The following LTBP1 variants were observed in gnomAD, a reference collection of about 807,000 sequenced individuals.
LTBP1 encodes latent-transforming growth factor beta-binding protein 1.
A neutral mutation model predicts 207.6 loss-of-function variants in LTBP1; 129 were observed. The observed-to-expected ratio is 0.62, with a 90% CI of 0.54 to 0.72. The LOEUF (loss-of-function observed/expected upper bound fraction) is 0.72, where lower values mean the gene tolerates loss of function less well. Among genes scored for constraint, LTBP1 ranks in the 30% least tolerant of loss-of-function variants. LTBP1 has a pLI of 0.00. For synonymous variants in LTBP1, 963 were observed against 833.7 expected (o/e 1.16, Z -2.67); for missense variants, 2,281 against 2,217.2 (o/e 1.03, Z -0.58).
chr2:32,949,711 C>T (rs1250997757), intron 2 of LTBP1, among the ~76,000 whole-genome samples: 1 of 152,172 alleles, frequency 6.6e-6, no homozygotes, highest in East Asian at 1.9e-4. Flanking sequence ...GTGAAGCATT[C>T]TTAGTTGTTC....
chr2:33,257,814 A>G (rs946520173), intron 12 of LTBP1, among the ~76,000 whole-genome samples: 1 of 152,246 alleles, frequency 6.6e-6, no homozygotes, highest in African/African-American at 2.4e-5. Context: ...TTCAGGGAAT[A>G]GCCCTAATTT....
intron 29 of LTBP1, 21 bp downstream of exon 29, chr2:33,363,539 G>C (rs1424013719): frequency 1.2e-6 from 2 of 1,611,312 alleles, no homozygotes; most frequent in Non-Finnish European, 1.7e-6. Flanking sequence ...GGGGGATATA[G>C]TATGGTGTAC....
chr2:33,130,756 A>C (rs1174209130), intron 4 of LTBP1, among the ~76,000 whole-genome samples: 2 of 152,102 alleles, frequency 1.3e-5, no homozygotes, highest in South Asian at 4.1e-4. Flanking sequence ...GAGTGTCTTG[A>C]CTGACTAGGA....
intron 3 of LTBP1, among the ~76,000 whole-genome samples, chr2:33,065,460 C>T (rs571678455): frequency 4.6e-5 from 7 of 151,878 alleles, no homozygotes; most frequent in African/African-American, 7.3e-5. Flanking sequence ...AGGCAGATGT[C>T]GGAGGATTAC....
At chr2:32,950,714 T>G (rs1676975600) in intron 2 of LTBP1, among the ~76,000 whole-genome samples, 1 of 152,068 alleles carries the variant, frequency 6.6e-6, no homozygotes, top group African/African-American at 2.4e-5. Flanking sequence ...AGACTCCATC[T>G]CAAGAAAAGA....
chr2:33,251,717 C>G (rs2092692070), intron 10 of LTBP1, among the ~76,000 whole-genome samples: 1 of 145,536 alleles, frequency 6.9e-6, no homozygotes, highest in African/African-American at 2.5e-5. Flanking sequence ...AAGGGAAAGG[C>G]AAGTCAGAAA....
intron 32 of LTBP1, among the ~76,000 whole-genome samples, chr2:33,394,939 G>A (rs1179793027): frequency 2.0e-5 from 3 of 152,094 alleles, no homozygotes; most frequent in Non-Finnish European, 4.4e-5. Context: ...CTGTTCCTGC[G>A]TTAGTTTGCT....
chr2:33,134,153 A>G lies in LTBP1; in HGVS notation c.1034-640A>G, dbSNP rs1003932931. ...CCCCGTTCACAGGAAAACAAAATATATGTTGCCTAAATTCTTATGGAGAAA... is the reference window on the plus strand; with the variant it reads ...CCCCGTTCACAGGAAAACAAAATATGTGTTGCCTAAATTCTTATGGAGAAA... On this transcript the variant is annotated intron_variant, in intron 4 of 33. Transcript: ENST00000404816. This position sits in a 1 kb window ranked among gnomAD's most constrained non-coding sequence, Gnocchi z 4.4. Among the ~76,000 whole-genome samples, 2 of 152,226 alleles carry G rather than the reference A, an allele frequency of 1.3e-5. No homozygotes were observed. Among genetic ancestry groups the G allele is most frequent in the African/African-American group, 4.8e-5 (2 of 41,456 alleles).
At chr2:33,121,486 C>G (rs903913318) in intron 4 of LTBP1, among the ~76,000 whole-genome samples, 1 of 152,152 alleles carries the variant, frequency 6.6e-6, no homozygotes, top group South Asian at 2.1e-4. Context: ...TCTTCCCTAA[C>G]GAGGCCTGGA....
intron 7 of LTBP1, among the ~76,000 whole-genome samples, chr2:33,190,046 T>C (rs996196179): frequency 6.6e-6 from 1 of 151,898 alleles, no homozygotes; most frequent in African/African-American, 2.4e-5. Context: ...GAAAAAAAAA[T>C]TCATAACTTG....
At chr2:33,125,498 G>A (rs1282721287) in intron 4 of LTBP1, among the ~76,000 whole-genome samples, 2 of 152,160 alleles carry the variant, frequency 1.3e-5, no homozygotes, top group Non-Finnish European at 2.9e-5. Context: ...CATGTTATGT[G>A]TGTGTATGTT....
intron 5 of LTBP1, among the ~76,000 whole-genome samples, chr2:33,177,228 C>G (rs1024238573): frequency 1.3e-5 from 2 of 152,148 alleles, no homozygotes; most frequent in Non-Finnish European, 2.9e-5. Context: ...CGCTATATCT[C>G]CTAGCACATT....
At chr2:33,218,470 C>T (rs1178904679) in intron 8 of LTBP1, among the ~76,000 whole-genome samples, 1 of 152,188 alleles carries the variant, frequency 6.6e-6, no homozygotes, top group Non-Finnish European at 1.5e-5. Flanking sequence ...AACCTCGGCT[C>T]ACTGCAGCCT....
chr2:33,198,464 G>A (rs2088826118), intron 7 of LTBP1, among the ~76,000 whole-genome samples: 1 of 152,160 alleles, frequency 6.6e-6, no homozygotes, highest in African/African-American at 2.4e-5. Context: ...AATAGTTTCA[G>A]AAGGAATGGT....
intron 3 of LTBP1, among the ~76,000 whole-genome samples, chr2:33,027,651 T>A (rs1015356873): frequency 6.6e-6 from 1 of 152,006 alleles, no homozygotes; most frequent in African/African-American, 2.4e-5. Context: ...CTGGCCAAGA[T>A]GGTGAAACCC....
chr2:33,064,907 T>C (rs2077431381), intron 3 of LTBP1, among the ~76,000 whole-genome samples: 1 of 152,254 alleles, frequency 6.6e-6, no homozygotes, highest in South Asian at 2.1e-4. Flanking sequence ...CCTTTTGCTA[T>C]ATTTTACTAG....
At position 33,057,940 on chromosome 2, in the gene LTBP1, C is replaced by T. The variant is rs749721632; in HGVS notation, c.863+36734C>T. Among the ~76,000 whole-genome samples, 10 of 152,392 alleles carry T rather than the reference C, an allele frequency of 6.6e-5. No homozygotes were observed. In the East Asian group the frequency reaches 7.7e-4, roughly 12 times the overall value. On this transcript the variant is annotated intron_variant, in intron 3 of 33. Transcript: ENST00000404816. ...AGAATGGGCGCCAAGGCCGAGGAGACGCCAAGAGCGAGCGAGGGCTGCGAG... is the reference window on the plus strand; with the variant it reads ...AGAATGGGCGCCAAGGCCGAGGAGATGCCAAGAGCGAGCGAGGGCTGCGAG...
At chr2:33,011,232 G>A (rs1687634992) in intron 2 of LTBP1, among the ~76,000 whole-genome samples, 1 of 152,122 alleles carries the variant, frequency 6.6e-6, no homozygotes, top group Admixed American at 6.5e-5. Flanking sequence ...GCATGTAGGA[G>A]TGGGCTTGTC....
chr2:33,280,762 C>T (rs979957478), intron 19 of LTBP1, among the ~76,000 whole-genome samples: 1 of 152,080 alleles, frequency 6.6e-6, no homozygotes, highest in Admixed American at 6.6e-5. Context: ...TCCTTTCTCC[C>T]TCAAATGCTT....
Sources: allele counts gnomAD v4.1 joint callset (sites outside exome capture counted in the v4.1 genomes callset), GRCh38; gene constraint gnomAD v4.1.1; non-coding constraint Gnocchi (gnomAD v3.1); transcripts MANE v1.5; gene names NCBI Gene and HGNC (gene_info 2026-07-23, HGNC 2026-07-21).